PTPRD: variants seen among roughly 807,000 people sequenced by gnomAD.
PTPRD encodes receptor-type tyrosine-protein phosphatase delta.
Under a neutral mutation model 214.5 loss-of-function variants are expected in PTPRD, and 34 were observed. The ratio of observed to expected loss-of-function variants is 0.16; its 90% CI spans 0.12 to 0.21. The LOEUF (loss-of-function observed/expected upper bound fraction) is 0.21, where lower values mean the gene tolerates loss of function less well. Among genes scored for constraint, PTPRD ranks in the 10% least tolerant of loss-of-function variants. The pLI, the probability that PTPRD is intolerant of heterozygous loss-of-function variation, is 1.00. For synonymous variants in PTPRD, 1,128 were observed against 845.7 expected, an observed-to-expected ratio of 1.33 and a Z score of -5.79; for missense variants, 2,545 against 2,398.7, an observed-to-expected ratio of 1.06 and a Z score of -1.27.
chr9:8,608,860 A>G (rs1408932325), intron 14 of PTPRD, among the ~76,000 whole-genome samples: 1 of 152,186 alleles, frequency 6.6e-6, no homozygotes, highest in Non-Finnish European at 1.5e-5. Flanking sequence ...TATCTCTACA[A>G]TTGGGAAAGG....
At chr9:10,118,616 G>C (rs910589209) in intron 3 of PTPRD, among the ~76,000 whole-genome samples, 12 of 151,260 alleles carry the variant, frequency 7.9e-5, no homozygotes, top group Non-Finnish European at 1.0e-4. Flanking sequence ...GAGAATAAAA[G>C]AATTAAAGAT....
chr9:9,372,934 T>C (rs1260526923), intron 9 of PTPRD, among the ~76,000 whole-genome samples: 1 of 152,076 alleles, frequency 6.6e-6, no homozygotes. Context: ...ATGCACACTC[T>C]CCATTTTGAG....
intron 10 of PTPRD, among the ~76,000 whole-genome samples, chr9:9,033,890 A>G (rs2099613488): frequency 6.6e-6 from 1 of 152,138 alleles, no homozygotes; most frequent in African/African-American, 2.4e-5. Context: ...CCCACCCGTA[A>G]TAACCCATTG....
rs542573198 is a variant in PTPRD, at chr9:9,902,914, A to T, written c.-368+35593T>A. On this transcript the variant is annotated intron_variant, in intron 5 of 45. Transcript: ENST00000381196. ...TACATTTTTTTGTTTGTGTAATATC[A>T]AAAGTGTGACGTTGGCTAACAGTGA... 2.0e-4 allele frequency among the ~76,000 whole-genome samples: 30 copies of T among 152,252 alleles called. No individual in the cohort carries two copies. In the South Asian group the frequency reaches 5.8e-3, roughly 29 times the overall value.
At chr9:9,302,426 C>T (rs1178831842) in intron 9 of PTPRD, among the ~76,000 whole-genome samples, 1 of 151,636 alleles carries the variant, frequency 6.6e-6, no homozygotes, top group Non-Finnish European at 1.5e-5. Context: ...TATGCAAAAC[C>T]ACGTGTGAAA....
At chr9:8,500,050 CAAAA>C (rs34424655) in intron 24 of PTPRD, among the ~76,000 whole-genome samples, 5 of 78,348 alleles carry the variant, frequency 6.4e-5, no homozygotes, top group South Asian at 4.8e-4. Flanking sequence ...ATGACCGATG[CAAAA>C]AAAAAAAAAA....
chr9:10,089,746 T>C (rs950398676), intron 3 of PTPRD, among the ~76,000 whole-genome samples: 2 of 151,606 alleles, frequency 1.3e-5, no homozygotes, highest in African/African-American at 2.4e-5. Flanking sequence ...GGAATTCAGA[T>C]TGTACTCTGG....
At chr9:9,182,997 AT>A (rs2099929146) in intron 10 of PTPRD, among the ~76,000 whole-genome samples, 1 of 151,968 alleles carries the variant, frequency 6.6e-6, no homozygotes, top group South Asian at 2.1e-4. Flanking sequence ...TGCTGCTTCA[AT>A]TCAGAAATTT....
chr9:9,397,615 A>C (rs555837502), intron 8 of PTPRD, 133 bp from the exon 9 acceptor site: 2 of 152,326 alleles, frequency 1.3e-5, no homozygotes, highest in East Asian at 3.9e-4. Context: ...AAGATACGTT[A>C]TCTGACCTCA....
chr9:8,625,755 A>G (rs1017265269), intron 14 of PTPRD, among the ~76,000 whole-genome samples: 2 of 151,790 alleles, frequency 1.3e-5, no homozygotes, highest in African/African-American at 2.4e-5. Context: ...TCTAAGAAAC[A>G]AAAAAGAAAG....
chr9:10,387,668 G>C (rs998265363), intron 2 of PTPRD, among the ~76,000 whole-genome samples: 1 of 151,574 alleles, frequency 6.6e-6, no homozygotes, highest in African/African-American at 2.4e-5. Context: ...AATTCACTCT[G>C]AGAACTTGGT....
intron 4 of PTPRD, among the ~76,000 whole-genome samples, chr9:9,958,706 A>G (rs1404023116): frequency 1.3e-5 from 2 of 152,238 alleles, no homozygotes; most frequent in Non-Finnish European, 2.9e-5. Flanking sequence ...AGCAATAAGG[A>G]AACAAGTGAC....
chr9:8,586,054 G>A (rs1050318828), intron 14 of PTPRD, among the ~76,000 whole-genome samples: 2 of 139,602 alleles, frequency 1.4e-5, no homozygotes, highest in East Asian at 3.9e-4. Context: ...GTAATCCCAG[G>A]ACTTTGGGTA....
At chr9:10,019,678 CA>C (rs2154117985) in intron 4 of PTPRD, among the ~76,000 whole-genome samples, 1 of 147,874 alleles carries the variant, frequency 6.8e-6, no homozygotes, top group East Asian at 2.1e-4. Flanking sequence ...ATCGCAAGGA[CA>C]AAAAACTAAA....
At chr9:9,926,846 C>G (rs1014143623) in intron 5 of PTPRD, among the ~76,000 whole-genome samples, 1 of 152,088 alleles carries the variant, frequency 6.6e-6, no homozygotes, top group Non-Finnish European at 1.5e-5. Flanking sequence ...TTAAGCTGTA[C>G]ATTTTCAGTG....
chr9:10,160,255 T>C (rs2099119388), intron 3 of PTPRD, among the ~76,000 whole-genome samples: 1 of 152,088 alleles, frequency 6.6e-6, no homozygotes, highest in African/African-American at 2.4e-5. Context: ...GAAAACTTAT[T>C]GAATACATTC....
intron 39 of PTPRD, among the ~76,000 whole-genome samples, chr9:8,351,174 G>A (rs1250833727): frequency 3.3e-5 from 5 of 152,180 alleles, no homozygotes; most frequent in African/African-American, 1.2e-4. Flanking sequence ...CTCCAAAATA[G>A]CATCTAAGAC....
At chr9:8,385,609 T>C (rs1176313960) in intron 37 of PTPRD, among the ~76,000 whole-genome samples, 2 of 151,908 alleles carry the variant, frequency 1.3e-5, no homozygotes, top group Non-Finnish European at 2.9e-5. Context: ...CGTAGCACCA[T>C]AAAATAACCA....
intron 14 of PTPRD, among the ~76,000 whole-genome samples, chr9:8,578,706 C>T (rs1254555261): frequency 6.6e-6 from 1 of 152,274 alleles, no homozygotes; most frequent in East Asian, 1.9e-4. Flanking sequence ...CTGGGCTTAA[C>T]ATGTTGTACT....
Sources: allele counts gnomAD v4.1 joint callset (sites outside exome capture counted in the v4.1 genomes callset), GRCh38; gene constraint gnomAD v4.1.1; transcripts MANE v1.5; gene names NCBI Gene and HGNC (gene_info 2026-07-23, HGNC 2026-07-21).